Variants in RHOF observed in about 807,000 individuals in gnomAD.
The protein encoded by RHOF is ras homolog family member F, filopodia associated.
In RHOF, 21 loss-of-function variants were observed where a neutral mutation model predicts 22.2. The ratio of observed to expected loss-of-function variants is 0.95; its 90% CI spans 0.67 to 1.36. RHOF has a LOEUF of 1.36. RHOF is among the 40% of genes most tolerant of loss of function. The pLI is 0.00. For synonymous variants in RHOF, 135 were observed against 131.2 expected (o/e 1.03, Z -0.20); for missense variants, 285 against 293.7 (o/e 0.97, Z 0.22).
At chr12:121,781,279 C>A in intron 2 of RHOF, 87 bp from the exon 3 acceptor site, 1 of 1,240,596 alleles carries the variant, frequency 8.1e-7, no homozygotes, top group Non-Finnish European at 1.2e-6. Context: ...AGGCAAGTGA[C>A]CCTGCCTTAG....
intron 4 of RHOF, chr12:121,779,930 A>T: frequency 2.5e-6 from 1 of 402,188 alleles, no homozygotes; most frequent in East Asian, 3.7e-5. Flanking sequence ...GAATCCTGAG[A>T]CCCGGGGTTG....
intron 2 of RHOF, among the ~76,000 whole-genome samples, chr12:121,786,811 T>G (rs1057249969): frequency 2.0e-5 from 3 of 151,942 alleles, no homozygotes; most frequent in Non-Finnish European, 4.4e-5. Flanking sequence ...CTGAGGCAGG[T>G]GGATCACTTG....
intron 1 of RHOF, 103 bp from the exon 2 acceptor site, chr12:121,793,342 C>T (rs982650682): frequency 6.3e-6 from 9 of 1,432,710 alleles, no homozygotes; most frequent in Non-Finnish European, 8.6e-6. Context: ...GATCAGCCCC[C>T]CCTCACCCCG....
chr12:121,779,745 G>A, intron 4 of RHOF, 83 bp from the exon 5 acceptor site: 4 of 1,464,598 alleles, frequency 2.7e-6, no homozygotes, highest in Non-Finnish European at 3.8e-6. Context: ...GACTGGCTCT[G>A]AGGACTCTGC....
chr12:121,789,455 G>C (rs1161786562), intron 2 of RHOF, among the ~76,000 whole-genome samples: 1 of 152,188 alleles, frequency 6.6e-6, no homozygotes, highest in African/African-American at 2.4e-5. Context: ...TCCAGGGACA[G>C]GGGTCTCTAA....
chr12:121,787,705 C>T (rs558007610), intron 2 of RHOF, among the ~76,000 whole-genome samples: 5 of 152,118 alleles, frequency 3.3e-5, no homozygotes, highest in African/African-American at 1.2e-4. Flanking sequence ...AGTTCAAGAC[C>T]AGCCTGGGCA....
chr12:121,781,978 C>T (rs1216985803), intron 2 of RHOF: 3 of 152,074 alleles, frequency 2.0e-5, no homozygotes, highest in East Asian at 1.9e-4. Flanking sequence ...GTTGGGTTTG[C>T]TTTTTTCTTC....
Position 121,781,075 on chromosome 12 carries a change from G to A in RHOF, c.336+8C>T, listed in dbSNP as rs184357086. 4.6e-5 allele frequency: 75 copies of A among 1,614,138 alleles called. No homozygotes were observed. In the African/African-American group the frequency reaches 7.1e-4, roughly 15 times the overall value. ...ATGTGGGGCCACCACCCAGGAGGCC[G>A]GCCTCACCTTGATGAGGACGTTGTC... On this transcript the variant is annotated splice_region_variant and intron_variant, in intron 3 of 4. Transcript: ENST00000267205.
In RHOF at chr12:121,779,258, C is replaced by G. The variant is rs1235224507; in HGVS notation, c.*240G>C. 1 of 560,426 alleles carries G rather than the reference C, an allele frequency of 1.8e-6. No homozygotes were observed. The highest frequency in any genetic ancestry group is 2.2e-5 in the South Asian group (1 of 45,870). The allele number at this position is 560,426 out of a possible 1,614,324, so 34.7% of individuals were successfully genotyped here. A position where few individuals can be genotyped will look rare whatever the true frequency, so the allele number is the denominator to read the frequency against. ...CTGTGATGAGGGCACTTGCGAGTCC[C>G]GACAACAGACACTGGCTCCTGCACC... is the stretch of plus-strand genomic sequence containing the variant. On this transcript the variant is annotated 3_prime_UTR_variant, in exon 5 of 5. Coordinates refer to ENST00000267205, the MANE Select transcript of RHOF (RefSeq NM_019034.3).
chr12:121,787,744 A>G (rs1874645128), intron 2 of RHOF, among the ~76,000 whole-genome samples: 1 of 152,122 alleles, frequency 6.6e-6, no homozygotes, highest in South Asian at 2.1e-4. Context: ...TCTACTAAAA[A>G]TACAAAAATT....
intron 2 of RHOF, among the ~76,000 whole-genome samples, chr12:121,784,780 T>C (rs1343594386): frequency 6.6e-6 from 1 of 152,152 alleles, no homozygotes; most frequent in Non-Finnish European, 1.5e-5. Context: ...TGTGCAAAAA[T>C]AGGTTCTGGT....
At chr12:121,785,240 A>G (rs1033986403) in intron 2 of RHOF, among the ~76,000 whole-genome samples, 4 of 152,148 alleles carry the variant, frequency 2.6e-5, no homozygotes, top group African/African-American at 9.7e-5. Context: ...GCAGCAGGAC[A>G]GCGCACGATC....
intron 2 of RHOF, among the ~76,000 whole-genome samples, chr12:121,783,845 C>T (rs540206008): frequency 2.0e-5 from 3 of 152,312 alleles, no homozygotes; most frequent in African/African-American, 7.2e-5. Context: ...CTCAGGTCAT[C>T]CACCTGCCTC....
intron 2 of RHOF, chr12:121,782,442 C>T (rs1245193809): frequency 2.0e-5 from 3 of 152,212 alleles, no homozygotes; most frequent in Non-Finnish European, 4.4e-5. Flanking sequence ...TTTTCAGGCT[C>T]ATTGGTGACC....
At chr12:121,788,305 C>T (rs1330069788) in intron 2 of RHOF, among the ~76,000 whole-genome samples, 2 of 152,118 alleles carry the variant, frequency 1.3e-5, no homozygotes, top group Non-Finnish European at 2.9e-5. Context: ...CCTACTTGTC[C>T]CAGCCCTGAC....
At chr12:121,790,240 G>A (rs1484946167) in intron 2 of RHOF, among the ~76,000 whole-genome samples, 1 of 152,252 alleles carries the variant, frequency 6.6e-6, no homozygotes, top group Non-Finnish European at 1.5e-5. Context: ...GAGAAATTCA[G>A]CCTCTGAGAG....
At position 121,793,008 on chromosome 12, in the gene RHOF, G is replaced by A. The variant is rs1327543788; in HGVS notation, c.226+144C>T. 4.4e-6 allele frequency: 3 copies of A among 679,324 alleles called. No individual in the cohort carries two copies. The East Asian group carries it at 8.2e-5, about 19-fold the overall frequency. 42.1% of individuals were successfully genotyped at this position (679,324 alleles called of 1,614,324 possible). A position where few individuals can be genotyped will look rare whatever the true frequency, so the allele number is the denominator to read the frequency against. ...TGGCCTCTAGGGCCCCGCAGCCAGC[G>A]CCCCTGAGCGGCCTCCAGGAGTGAA... On this transcript the variant is annotated intron_variant, in intron 2 of 4. Transcript: ENST00000267205.
At chr12:121,792,352 G>A (rs1461599881) in intron 2 of RHOF, among the ~76,000 whole-genome samples, 1 of 152,240 alleles carries the variant, frequency 6.6e-6, no homozygotes, top group African/African-American at 2.4e-5. Flanking sequence ...ATGAAGCCCA[G>A]ATGGGAGTCA....
intron 2 of RHOF, among the ~76,000 whole-genome samples, chr12:121,790,728 G>A (rs1874742909): frequency 6.6e-6 from 1 of 152,210 alleles, no homozygotes; most frequent in African/African-American, 2.4e-5. Flanking sequence ...CTGCTTCTCT[G>A]CTGCTTGGAA....
Sources: gnomAD v4.1 joint callset for allele counts (sites outside exome capture counted in the v4.1 genomes callset) on GRCh38, gnomAD v4.1.1 for gene constraint, MANE v1.5 for transcripts, NCBI Gene and HGNC (gene_info 2026-07-23, HGNC 2026-07-21) for gene names.